The following EHBP1 variants were observed in gnomAD, a reference collection of about 807,000 sequenced individuals.
EHBP1 encodes EH domain-binding protein 1.
In EHBP1, 55 loss-of-function variants were observed where a neutral mutation model predicts 144.0. The observed-to-expected ratio is 0.38, with a 90% CI of 0.31 to 0.48. EHBP1 has a LOEUF of 0.48. EHBP1 is among the 20% of genes least tolerant of loss of function. EHBP1 has a pLI of 0.98. For synonymous variants in EHBP1, 469 were observed against 472.7 expected (o/e 0.99, Z 0.10); for missense variants, 1,200 against 1,364.2 (o/e 0.88, Z 1.90).
At chr2:62,792,790 T>C (rs912033339) in intron 5 of EHBP1, among the ~76,000 whole-genome samples, 4 of 152,062 alleles carry the variant, frequency 2.6e-5, no homozygotes, top group Non-Finnish European at 5.9e-5. Flanking sequence ...TAGAGTGAGA[T>C]ATTTAAGTGC....
At chr2:62,991,150 C>T (rs1376938486) in intron 16 of EHBP1, among the ~76,000 whole-genome samples, 1 of 149,996 alleles carries the variant, frequency 6.7e-6, no homozygotes, top group South Asian at 2.1e-4. Context: ...GAGGCTGAGG[C>T]GGGAGGATTG....
intron 13 of EHBP1, among the ~76,000 whole-genome samples, chr2:62,951,865 T>C (rs1259694141): frequency 1.3e-5 from 2 of 152,092 alleles, no homozygotes; most frequent in Non-Finnish European, 2.9e-5. Flanking sequence ...CAAATATGTT[T>C]AGTTAAAACT....
intron 7 of EHBP1, among the ~76,000 whole-genome samples, chr2:62,848,794 G>C (rs187050069): frequency 6.6e-6 from 1 of 152,208 alleles, no homozygotes; most frequent in African/African-American, 2.4e-5. Context: ...AGGCAAGAGA[G>C]AACTTTGGAA....
intron 19 of EHBP1, among the ~76,000 whole-genome samples, chr2:63,008,761 A>T (rs2060151384): frequency 6.6e-6 from 1 of 151,632 alleles, no homozygotes; most frequent in South Asian, 2.1e-4. Context: ...AAATAAAAAT[A>T]TATAAGGTTA....
Position 62,695,254 on chromosome 2 carries a change from G to A in EHBP1, c.-295-11643G>A, listed in dbSNP as rs190238147. Among the ~76,000 whole-genome samples the A allele has an allele frequency of 5.8e-4, 88 of 152,240 alleles. 1 individual carries two copies. The highest frequency in any genetic ancestry group is 1.9e-3 in the Admixed American group (29 of 15,284). The stretch of plus-strand genomic sequence containing the variant: ...TGTGTGCCTGTGGTCCCAACTACTC[G>A]GGAGGCTGAGGTGGGAGAATCACTT... On this transcript the variant is annotated intron_variant, in intron 1 of 22. Transcript: ENST00000405015.
chr2:62,730,842 G>GGA (rs1220885783), intron 2 of EHBP1, among the ~76,000 whole-genome samples: 2 of 5,856 alleles, frequency 3.4e-4, no homozygotes, highest in East Asian at 0.013. Context: ...ACAGAGAGAC[G>GGA]GAGAGAGAGA....
chr2:62,997,051 TA>T (rs1195807588), intron 19 of EHBP1, among the ~76,000 whole-genome samples: 4 of 150,746 alleles, frequency 2.7e-5, no homozygotes, highest in East Asian at 1.9e-4. Flanking sequence ...TGCCACTGCT[TA>T]AAAAAAAAGT....
In EHBP1 at chr2:62,753,783, A is replaced by G. The variant is rs141071693; in HGVS notation, c.162+6331A>G. 2.4e-3 allele frequency among the ~76,000 whole-genome samples: 359 copies of G among 152,306 alleles called. 1 individual carries two copies. The highest frequency in any genetic ancestry group is 8.0e-3 in the African/African-American group (333 of 41,562). On this transcript the variant is annotated intron_variant, in intron 3 of 22. Transcript: ENST00000431489. ...GATACCCTTTCTTCCAGTTGATTGA[A>G]TCGGCTACTGAAGCTTGTGCATTTG...
At chr2:62,938,228 A>G (rs1478933232) in intron 10 of EHBP1, among the ~76,000 whole-genome samples, 1 of 152,250 alleles carries the variant, frequency 6.6e-6, no homozygotes, top group East Asian at 1.9e-4. Context: ...GCCAACTGGA[A>G]ATGTCAACTT....
rs71410972 is a variant in EHBP1 at position 62,894,927 on chromosome 2, A to AGAGAGAGAGAGAGAGAGAG, written c.1185+20395_1185+20396insGAGAGAGAGAGAGAGAGAG. On this transcript the variant is annotated intron_variant, in intron 10 of 22. Coordinates refer to ENST00000431489, the MANE Select transcript of EHBP1 (RefSeq NM_001142616.3). The stretch of plus-strand genomic sequence containing the variant: ...CAAGACCCTAGCAAAAACAGAAAGA[A>AGAGAGAGAGAGAGAGAGAG]AGAGAGAGAGAGAGAGAGAGAGAGA... 6.8e-4 allele frequency among the ~76,000 whole-genome samples: 96 copies of AGAGAGAGAGAGAGAGAGAG among 141,224 alleles called. 2 individuals are homozygous for AGAGAGAGAGAGAGAGAGAG. The highest frequency in any genetic ancestry group is 1.2e-3 in the South Asian group (5 of 4,194). The allele number at this position is 141,224 out of a possible 152,430, so 92.6% of individuals were successfully genotyped here. A position where few individuals can be genotyped will look rare whatever the true frequency, so the allele number is the denominator to read the frequency against.
chr2:62,833,515 A>G (rs980613702), intron 7 of EHBP1, among the ~76,000 whole-genome samples: 6 of 152,238 alleles, frequency 3.9e-5, no homozygotes, highest in African/African-American at 1.4e-4. Flanking sequence ...TCTTGTTAGC[A>G]CATCTTTTTA....
At chr2:63,017,708 T>C (rs1172913914) in intron 19 of EHBP1, among the ~76,000 whole-genome samples, 3 of 152,060 alleles carry the variant, frequency 2.0e-5, no homozygotes, top group African/African-American at 4.8e-5. Flanking sequence ...CATCAAGCAC[T>C]AAAAAAAGGT....
intron 10 of EHBP1, among the ~76,000 whole-genome samples, chr2:62,895,595 A>G (rs530167003): frequency 6.6e-6 from 1 of 152,174 alleles, no homozygotes; most frequent in Non-Finnish European, 1.5e-5. Flanking sequence ...ATACTATTTG[A>G]TAAAGGAAAA....
intron 2 of EHBP1, among the ~76,000 whole-genome samples, chr2:62,730,745 AAG>A (rs956078279): frequency 7.5e-5 from 9 of 119,510 alleles, no homozygotes; most frequent in Non-Finnish European, 1.4e-4. Flanking sequence ...AAGATACACA[AAG>A]AGAGAAAGAA....
intron 10 of EHBP1, among the ~76,000 whole-genome samples, chr2:62,905,927 G>A (rs1428726592): frequency 6.6e-6 from 1 of 152,118 alleles, no homozygotes; most frequent in Non-Finnish European, 1.5e-5. Flanking sequence ...TGGTAGTTTA[G>A]ATTACAGTGG....
intron 5 of EHBP1, among the ~76,000 whole-genome samples, chr2:62,809,292 G>GGA (rs1209599918): frequency 2.1e-5 from 1 of 46,574 alleles, no homozygotes; most frequent in African/African-American, 7.3e-5. Context: ...CTATGTCTCA[G>GGA]AAAAAAAAAA....
chr2:63,030,506 G>A (rs1250439181), intron 19 of EHBP1, among the ~76,000 whole-genome samples: 1 of 142,252 alleles, frequency 7.0e-6, no homozygotes, highest in East Asian at 2.0e-4. Flanking sequence ...CTTTTTTTTT[G>A]AGACGGAGTC....
chr2:63,021,272 G>C (rs1004833978), intron 19 of EHBP1, among the ~76,000 whole-genome samples: 3 of 151,872 alleles, frequency 2.0e-5, no homozygotes, highest in African/African-American at 7.3e-5. Context: ...AAAGCCAAAA[G>C]TACTGGTTTA....
At chr2:62,799,967 C>T (rs1573414615) in intron 5 of EHBP1, among the ~76,000 whole-genome samples, 1 of 152,130 alleles carries the variant, frequency 6.6e-6, no homozygotes, top group East Asian at 1.9e-4. Context: ...GTATATTGAC[C>T]ACATTAAAAG....
Sources: gnomAD v4.1 joint callset for allele counts (sites outside exome capture counted in the v4.1 genomes callset) on GRCh38, gnomAD v4.1.1 for gene constraint, MANE v1.5 for transcripts, NCBI Gene and HGNC (gene_info 2026-07-23, HGNC 2026-07-21) for gene names.